Variants in HCN1 observed in about 807,000 individuals in gnomAD.
HCN1 encodes potassium/sodium hyperpolarization-activated cyclic nucleotide-gated channel 1.
A neutral mutation model predicts 78.9 loss-of-function variants in HCN1; 13 were observed. The observed-to-expected ratio is 0.16, with a 90% CI of 0.11 to 0.26. The LOEUF (loss-of-function observed/expected upper bound fraction) is 0.26, where lower values mean the gene tolerates loss of function less well. Among genes scored for constraint, HCN1 ranks in the 10% least tolerant of loss-of-function variants. HCN1 has a pLI of 1.00. For missense variants in HCN1, 810 were observed against 1,154.3 expected (o/e 0.70, Z 4.32); for synonymous variants, 552 against 455.5 (o/e 1.21, Z -2.70).
At chr5:45,373,761 A>C (rs1250081475) in intron 4 of HCN1, among the ~76,000 whole-genome samples, 1 of 123,172 alleles carries the variant, frequency 8.1e-6, no homozygotes, top group Non-Finnish European at 1.6e-5. Context: ...TACGGTATAT[A>C]CGTCATCTAT....
At chr5:45,560,939 G>C (rs1029676283) in intron 2 of HCN1, among the ~76,000 whole-genome samples, 4 of 152,068 alleles carry the variant, frequency 2.6e-5, no homozygotes, top group African/African-American at 7.2e-5. Flanking sequence ...CTTTACAAAT[G>C]CTAAGGTATC....
At chr5:45,504,564 G>A (rs1424465243) in intron 2 of HCN1, among the ~76,000 whole-genome samples, 2 of 152,096 alleles carry the variant, frequency 1.3e-5, no homozygotes, top group Non-Finnish European at 2.9e-5. Flanking sequence ...AAACATACGT[G>A]TGCATGTGTC....
chr5:45,336,280 T>C (rs1026492890), intron 5 of HCN1, among the ~76,000 whole-genome samples: 1 of 152,078 alleles, frequency 6.6e-6, no homozygotes, highest in Non-Finnish European at 1.5e-5. Flanking sequence ...ATAATGAATA[T>C]ACCACACAGT....
intron 3 of HCN1, among the ~76,000 whole-genome samples, chr5:45,397,740 C>A (rs574557503): frequency 2.8e-4 from 43 of 151,276 alleles, no homozygotes; most frequent in Non-Finnish European, 5.0e-4. Context: ...TATAAGCTTA[C>A]AAATTTTAAA....
chr5:45,605,444 G>A (rs1273539443), intron 2 of HCN1, among the ~76,000 whole-genome samples: 3 of 151,822 alleles, frequency 2.0e-5, no homozygotes, highest in Non-Finnish European at 4.4e-5. Context: ...CATTTATTAT[G>A]TTGTGTAGAA....
chr5:45,591,028 G>C (rs1744349189), intron 2 of HCN1, among the ~76,000 whole-genome samples: 1 of 151,806 alleles, frequency 6.6e-6, no homozygotes, highest in Non-Finnish European at 1.5e-5. Context: ...GTAGAGATGG[G>C]GCTAGCTTCA....
At chr5:45,434,264 GATGATGGGTTCCTA>G (rs1195798288) in intron 3 of HCN1, among the ~76,000 whole-genome samples, 3 of 152,188 alleles carry the variant, frequency 2.0e-5, no homozygotes, top group Non-Finnish European at 1.5e-5. Context: ...ACTTGTACAA[GATGATGGGTTCCTA>G]ATTATTGGTA....
chr5:45,558,951 G>A (rs1743538477), intron 2 of HCN1: 1 of 144,280 alleles, frequency 6.9e-6, no homozygotes, highest in African/African-American at 2.6e-5. Flanking sequence ...TTTAGGGATG[G>A]GATCTTGCTA....
chr5:45,500,154 A>G (rs1334863402), intron 2 of HCN1, among the ~76,000 whole-genome samples: 1 of 152,128 alleles, frequency 6.6e-6, no homozygotes, highest in Non-Finnish European at 1.5e-5. Context: ...GGTGACATTT[A>G]AAGAATTTGG....
chr5:45,555,342 G>A (rs1743448803), intron 2 of HCN1, among the ~76,000 whole-genome samples: 1 of 151,372 alleles, frequency 6.6e-6, no homozygotes, highest in African/African-American at 2.4e-5. Flanking sequence ...CCAAAGAAGT[G>A]AAAAAATCTC....
intron 2 of HCN1, among the ~76,000 whole-genome samples, chr5:45,540,688 A>G (rs552475594): frequency 6.6e-6 from 1 of 152,268 alleles, no homozygotes; most frequent in South Asian, 2.1e-4. Context: ...CATGTATTTC[A>G]TAATATGTAA....
chr5:45,267,754 G>A (rs1361194116), intron 6 of HCN1, among the ~76,000 whole-genome samples: 2 of 152,114 alleles, frequency 1.3e-5, no homozygotes, highest in African/African-American at 4.8e-5. Context: ...GCGACAGAGT[G>A]AGACTCCGTC....
chr5:45,309,554 T>C (rs1745810221), intron 5 of HCN1, among the ~76,000 whole-genome samples: 3 of 152,192 alleles, frequency 2.0e-5, no homozygotes, highest in Non-Finnish European at 2.9e-5. Context: ...ATACCTAATT[T>C]ATTAACAGTT....
chr5:45,264,849 G>T (rs1057236903), intron 7 of HCN1, among the ~76,000 whole-genome samples: 18 of 152,138 alleles, frequency 1.2e-4, no homozygotes, highest in Non-Finnish European at 2.5e-4. Flanking sequence ...ATTAGAAATT[G>T]CATTGCCTGT....
intron 2 of HCN1, among the ~76,000 whole-genome samples, chr5:45,488,034 T>C (rs910573342): frequency 1.3e-5 from 2 of 152,104 alleles, no homozygotes; most frequent in African/African-American, 4.8e-5. Flanking sequence ...ATGTGAATCA[T>C]TTAAATTTGG....
intron 2 of HCN1, among the ~76,000 whole-genome samples, chr5:45,537,887 G>C (rs1411245587): frequency 1.3e-5 from 2 of 152,018 alleles, no homozygotes; most frequent in Non-Finnish European, 2.9e-5. Context: ...AATTTTAAAA[G>C]ATAGTACTGA....
At chr5:45,299,027 C>T (rs549683809) in intron 6 of HCN1, among the ~76,000 whole-genome samples, 9 of 152,080 alleles carry the variant, frequency 5.9e-5, no homozygotes, top group African/African-American at 2.2e-4. Context: ...AATTGAGGGA[C>T]GTTCTACAAG....
At chr5:45,358,481 C>T (rs1747047984) in intron 4 of HCN1, among the ~76,000 whole-genome samples, 1 of 152,036 alleles carries the variant, frequency 6.6e-6, no homozygotes, top group South Asian at 2.1e-4. Context: ...CTCTGCATCA[C>T]CATTCTGGTC....
intron 3 of HCN1, among the ~76,000 whole-genome samples, chr5:45,447,487 C>T (rs185396869): frequency 2.0e-5 from 3 of 152,336 alleles, no homozygotes; most frequent in Non-Finnish European, 4.4e-5. Flanking sequence ...AAGTGATCCT[C>T]CTGTCTTGGC....
Sources: gnomAD v4.1 joint callset for allele counts (sites outside exome capture counted in the v4.1 genomes callset) on GRCh38, gnomAD v4.1.1 for gene constraint, MANE v1.5 for transcripts, NCBI Gene and HGNC (gene_info 2026-07-23, HGNC 2026-07-21) for gene names.